The following FMO5 variants were observed in gnomAD, a reference collection of about 807,000 sequenced individuals.
FMO5 encodes the protein flavin containing dimethylaniline monoxygenase 5, also known as flavin-containing monooxygenase 5.
A neutral mutation model predicts 43.6 loss-of-function variants in FMO5; 51 were observed. The observed-to-expected ratio is 1.17, with a 90% CI of 0.93 to 1.48. The LOEUF (loss-of-function observed/expected upper bound fraction) is 1.48. Ranked by LOEUF, FMO5 falls within the 40% of genes most tolerant of loss-of-function variation. The pLI is 0.00. For synonymous variants in FMO5, 187 were observed against 216.5 expected (o/e 0.86, Z 1.20); for missense variants, 644 against 643.0 (o/e 1.00, Z -0.02).
rs1225034359 is a variant in FMO5 at position 147,186,767 on chromosome 1, G to T, written c.*133C>A. 1 of 1,460,670 alleles carries T rather than the reference G, an allele frequency of 6.8e-7. No homozygotes were observed. The highest frequency in any genetic ancestry group is 2.4e-5 in the East Asian group (1 of 42,392). 90.5% of individuals were successfully genotyped at this position (1,460,670 alleles called of 1,614,324 possible). A position where few individuals can be genotyped will look rare whatever the true frequency, so the allele number is the denominator to read the frequency against. On this transcript the variant is annotated 3_prime_UTR_variant, in exon 9 of 9. Coordinates refer to ENST00000254090, the MANE Select transcript of FMO5 (RefSeq NM_001461.4). ...GTTTCATTGTAGGAAAAAGGAAAGTGAATTAATGCTTTCGAAAGAGACATT... is the reference window on the plus strand; with the variant it reads ...GTTTCATTGTAGGAAAAAGGAAAGTTAATTAATGCTTTCGAAAGAGACATT...
chr1:147,212,346 CTG>C (rs781822131), intron 5 of FMO5, 45 bp downstream of exon 5: 1 of 1,600,000 alleles, frequency 6.3e-7, no homozygotes, highest in African/African-American at 1.3e-5. Flanking sequence ...CTTGGAGAAA[CTG>C]AAGCTAGAGT....
At chr1:147,193,687 AG>A (rs1657359036) in intron 7 of FMO5, among the ~76,000 whole-genome samples, 1 of 152,134 alleles carries the variant, frequency 6.6e-6, no homozygotes, top group African/African-American at 2.4e-5. Flanking sequence ...AATGTGTTCC[AG>A]AGATTCTGGT....
At chr1:147,216,310 T>C (rs902375961) in intron 2 of FMO5, among the ~76,000 whole-genome samples, 15 of 152,176 alleles carry the variant, frequency 9.9e-5, no homozygotes, top group African/African-American at 3.6e-4. Context: ...ATGAAGAGAA[T>C]GTCTGGGACA....
In FMO5 at chr1:147,187,025, C is replaced by A. The variant is rs143837136; in HGVS notation, c.1477G>T (p.Asp493Tyr). The A allele has an allele frequency of 5.0e-6, 8 of 1,614,174 alleles. No individual in the cohort carries two copies. The South Asian group carries it at 8.8e-5, about 18-fold the overall frequency. Reference protein sequence around the residue: ...GARKAILTTDDRIRKPLMTRV... With the variant: ...GARKAILTTDYRIRKPLMTRV... Reference sequence around the variant, plus strand: ...GTCATCAGAGGCTTCCTGATGCGATCATCTGTGGTGAGGATAGCTTTTCGA... The same window carrying A: ...GTCATCAGAGGCTTCCTGATGCGATAATCTGTGGTGAGGATAGCTTTTCGA... Residue 493 changes from aspartate to tyrosine, a missense_variant, in exon 9 of 9, where the codon GAT becomes TAT. Physicochemically the swap from Asp to Tyr is radical, Grantham distance 160. Coordinates refer to ENST00000254090, the MANE Select transcript of FMO5 (RefSeq NM_001461.4).
chr1:147,184,755 G>A (rs1553916737), downstream of FMO5: 4 of 1,180,084 alleles, frequency 3.4e-6, no homozygotes, highest in African/African-American at 1.6e-5. This position sits in a 1 kb window ranked among gnomAD's most constrained non-coding sequence, Gnocchi z 4.4. Flanking sequence ...TAACCTAGCC[G>A]AGATAGTGTT....
At chr1:147,207,219 G>A (rs1202697580) in intron 6 of FMO5, among the ~76,000 whole-genome samples, 1 of 152,002 alleles carries the variant, frequency 6.6e-6, no homozygotes, top group Non-Finnish European at 1.5e-5. Context: ...TACTCAAATG[G>A]TTTCAGAAAA....
intron 6 of FMO5, among the ~76,000 whole-genome samples, chr1:147,206,339 C>G (rs1186800068): frequency 6.6e-6 from 1 of 152,152 alleles, no homozygotes; most frequent in Non-Finnish European, 1.5e-5. Context: ...CTAGTTCAAC[C>G]ATTGTGGAAG....
chr1:147,217,399 G>C (rs1662206884), intron 2 of FMO5, among the ~76,000 whole-genome samples: 2 of 151,790 alleles, frequency 1.3e-5, no homozygotes, highest in Non-Finnish European at 2.9e-5. Flanking sequence ...TTCAAAAATT[G>C]TTTTGACTAT....
At chr1:147,203,642 G>C in intron 6 of FMO5, 1 of 1,331,968 alleles carries the variant, frequency 7.5e-7, no homozygotes, top group Admixed American at 1.7e-5. Flanking sequence ...TTCAAGTCCA[G>C]GACATGTCTC....
rs782803012 is a variant in FMO5, at chr1:147,215,752, A to C, written c.324+2T>G. On this transcript the variant is annotated splice_donor_variant, in intron 3 of 8. Coordinates refer to ENST00000254090, the MANE Select transcript of FMO5 (RefSeq NM_001461.4). LOFTEE classifies it high-confidence loss of function. ...CACAAAGATACCCACACAATTTTCT[A>C]CCTTAAATCGAATATACTTTAGAAG... 1.3e-6 allele frequency: 2 copies of C among 1,591,648 alleles called. No homozygotes were observed. Among genetic ancestry groups the C allele is most frequent in the South Asian group, 2.3e-5 (2 of 86,766 alleles).
At chr1:147,191,155 T>A (rs1571157904) in intron 7 of FMO5, among the ~76,000 whole-genome samples, 1 of 152,286 alleles carries the variant, frequency 6.6e-6, no homozygotes, top group East Asian at 1.9e-4. Flanking sequence ...CGTGTGCATG[T>A]GTCTTTATAG....
Position 147,203,878 on chromosome 1 carries a change from G to C in FMO5, c.831-2374C>G, listed in dbSNP as rs1157721259. On this transcript the variant is annotated intron_variant, in intron 6 of 8. Transcript: ENST00000254090. ...CCACCTGAGTATCTCCAACTTCTGA[G>C]AGGTAAACACTGTCTCAGTGTCCCA... 4 of 1,580,786 alleles carry C rather than the reference G, an allele frequency of 2.5e-6. No individual in the cohort carries two copies. In the East Asian group the frequency reaches 9.0e-5, roughly 35 times the overall value.
At chr1:147,205,378 A>G (rs1190244990) in intron 6 of FMO5, among the ~76,000 whole-genome samples, 4 of 152,210 alleles carry the variant, frequency 2.6e-5, no homozygotes, top group Non-Finnish European at 4.4e-5. Flanking sequence ...TGTGAGATAA[A>G]CTGACATAAT....
chr1:147,226,123 A>G (rs1401797349), upstream of FMO5, among the ~76,000 whole-genome samples: 1 of 127,508 alleles, frequency 7.8e-6, no homozygotes, highest in Admixed American at 7.7e-5. Flanking sequence ...TTTTTTTCCA[A>G]CTTTTTGCTT....
chr1:147,221,164 G>A (rs1662949106), intron 2 of FMO5, among the ~76,000 whole-genome samples: 1 of 152,054 alleles, frequency 6.6e-6, no homozygotes, highest in African/African-American at 2.4e-5. Flanking sequence ...AAATTTCATA[G>A]CCAAAAAGAG....
intron 7 of FMO5, among the ~76,000 whole-genome samples, chr1:147,190,680 A>AT (rs1220048122): frequency 6.6e-6 from 1 of 151,030 alleles, no homozygotes; most frequent in African/African-American, 2.4e-5. Flanking sequence ...GTAAAAATAA[A>AT]TTTTTTGTTT....
At chr1:147,206,993 T>C (rs1660215443) in intron 6 of FMO5, among the ~76,000 whole-genome samples, 1 of 151,826 alleles carries the variant, frequency 6.6e-6, no homozygotes, top group Admixed American at 6.6e-5. Context: ...TGTAATGGTG[T>C]GATTGATTAC....
chr1:147,222,124 C>A (rs1050783196), intron 2 of FMO5, among the ~76,000 whole-genome samples: 1 of 152,200 alleles, frequency 6.6e-6, no homozygotes, highest in African/African-American at 2.4e-5. Flanking sequence ...AATCCCCACA[C>A]CTTGGGAGGC....
chr1:147,220,207 C>T (rs114694478), intron 2 of FMO5, among the ~76,000 whole-genome samples: 2 of 152,052 alleles, frequency 1.3e-5, no homozygotes, highest in African/African-American at 4.8e-5. Context: ...TATAGTAATA[C>T]CCCTGAAATT....
Sources: allele counts gnomAD v4.1 joint callset (sites outside exome capture counted in the v4.1 genomes callset), GRCh38; gene constraint gnomAD v4.1.1; non-coding constraint Gnocchi (gnomAD v3.1); transcripts MANE v1.5; gene names NCBI Gene and HGNC (gene_info 2026-07-23, HGNC 2026-07-21).